The following RBFOX3 variants were observed in gnomAD, a reference collection of about 807,000 sequenced individuals.
RBFOX3 encodes the protein RNA binding fox-1 homolog 3, also known as RNA binding protein fox-1 homolog 3.
In RBFOX3, 17 loss-of-function variants were observed where a neutral mutation model predicts 48.7. The observed-to-expected ratio is 0.35, with a 90% CI of 0.24 to 0.52. RBFOX3 has a LOEUF of 0.52. RBFOX3 is among the 20% of genes least tolerant of loss of function. RBFOX3 has a pLI of 0.94. For missense variants in RBFOX3, 382 were observed against 497.5 expected (o/e 0.77, Z 2.21); for synonymous variants, 212 against 209.5 (o/e 1.01, Z -0.10).
intron 1 of RBFOX3, among the ~76,000 whole-genome samples, chr17:79,515,282 G>A (rs2085086545): frequency 2.0e-5 from 3 of 152,290 alleles, no homozygotes; most frequent in South Asian, 4.1e-4. Flanking sequence ...CCTCATAGCT[G>A]GGGCCCCTGG....
chr17:79,334,544 G>A (rs1032654098), intron 2 of RBFOX3, among the ~76,000 whole-genome samples: 9 of 152,064 alleles, frequency 5.9e-5, no homozygotes, highest in African/African-American at 1.9e-4. Flanking sequence ...TTAACCCTTC[G>A]GGGCCCCTAG....
chr17:79,170,306 A>G (rs1415337379), intron 4 of RBFOX3, among the ~76,000 whole-genome samples: 1 of 152,124 alleles, frequency 6.6e-6, no homozygotes, highest in East Asian at 1.9e-4. Context: ...TGGCTGGGGT[A>G]CCGGCTCCGG....
chr17:79,451,311 C>G (rs7219446), intron 2 of RBFOX3, among the ~76,000 whole-genome samples: 1 of 152,068 alleles, frequency 6.6e-6, no homozygotes, highest in Non-Finnish European at 1.5e-5. Flanking sequence ...AACCCTGAAC[C>G]CCCGGGACTG....
At chr17:79,098,666 G>T (rs558829498) in intron 9 of RBFOX3, 1 of 152,408 alleles carries the variant, frequency 6.6e-6, no homozygotes, top group Admixed American at 6.5e-5. Context: ...CCTCTGCGGG[G>T]GACACCAGCT....
intron 1 of RBFOX3, among the ~76,000 whole-genome samples, chr17:79,522,040 T>G (rs908121473): frequency 0.048 from 7,334 of 152,192 alleles, 299 homozygotes; most frequent in African/African-American, 0.11. Flanking sequence ...GACGGAATCT[T>G]GGACCAGTGC....
chr17:79,462,311 G>A (rs1011585104), intron 2 of RBFOX3, among the ~76,000 whole-genome samples: 7 of 152,208 alleles, frequency 4.6e-5, no homozygotes, highest in Admixed American at 2.0e-4. Flanking sequence ...CTAATGGTGT[G>A]ACCTTGGGCA....
At chr17:79,646,070 G>C in the RBFOX3 span, among the ~76,000 whole-genome samples, 2 of 152,010 alleles carry the variant, frequency 1.3e-5, no homozygotes, top group Admixed American at 6.6e-5. Context: ...CCCTTTCACA[G>C]TTAGTGGGCT....
At chr17:79,177,320 T>C (rs997430131) in intron 4 of RBFOX3, among the ~76,000 whole-genome samples, 1 of 152,210 alleles carries the variant, frequency 6.6e-6, no homozygotes, top group Non-Finnish European at 1.5e-5. Flanking sequence ...TGGGCTATCT[T>C]GGCCTCCACC....
rs1367355820 is a variant in RBFOX3 at position 79,194,742 on chromosome 17, CTGTGTGTGTGGGTG to C, written c.-34+41010_-34+41023del. ...CGGCCGGTTCTAATTGAGACACTCC[CTGTGTGTGTGGGTG>C]TGTGTGTGTGTGTGTGTGTGTGTGA... is the stretch of plus-strand genomic sequence containing the variant. On this transcript the variant is annotated intron_variant, in intron 4 of 14. Coordinates refer to ENST00000693108, the MANE Select transcript of RBFOX3 (RefSeq NM_001350451.2). Among the ~76,000 whole-genome samples, 5 of 50,816 alleles carry C rather than the reference CTGTGTGTGTGGGTG, an allele frequency of 9.8e-5. 1 individual carries two copies. The highest frequency in any genetic ancestry group is 4.4e-4 in the African/African-American group (5 of 11,272). 33.3% of individuals were successfully genotyped at this position (50,816 alleles called of 152,430 possible).
intron 4 of RBFOX3, among the ~76,000 whole-genome samples, chr17:79,190,432 C>CTATAACAAA (rs1555596697): frequency 0.19 from 21,047 of 110,920 alleles, 1,971 homozygotes; most frequent in Admixed American, 0.3. Flanking sequence ...AAAAAAAAAA[C>CTATAACAAA]AAAAAAACAG....
rs527564901 is a variant in RBFOX3 at position 79,199,514 on chromosome 17, C to T, written c.-34+36252G>A. ...GCCAGCCATCTGGATGGCCTGAACC[C>T]AGTCACTGACTTAGGGCTGCCAGTG... On this transcript the variant is annotated intron_variant, in intron 4 of 14. Coordinates refer to ENST00000693108, the MANE Select transcript of RBFOX3 (RefSeq NM_001350451.2). The surrounding 1 kb of genome is among the most constrained non-coding windows in gnomAD (Gnocchi z 5.1). 6.6e-6 allele frequency among the ~76,000 whole-genome samples: 1 copy of T among 152,312 alleles called. No homozygotes were observed. Among genetic ancestry groups the T allele is most frequent in the African/African-American group, 2.4e-5 (1 of 41,582 alleles).
intron 2 of RBFOX3, among the ~76,000 whole-genome samples, chr17:79,374,115 G>A (rs972599099): frequency 6.6e-6 from 1 of 152,174 alleles, no homozygotes; most frequent in Non-Finnish European, 1.5e-5. Context: ...CACCTGCCTC[G>A]GCCTCCCAAA....
Position 79,206,035 on chromosome 17 carries a change from C to T in RBFOX3, c.-34+29731G>A, listed in dbSNP as rs529726403. Among the ~76,000 whole-genome samples, 26 of 152,188 alleles carry T rather than the reference C, an allele frequency of 1.7e-4. No homozygotes were observed. The East Asian group carries it at 3.9e-3, about 23-fold the overall frequency. ...AGGAAATCAGGCTCATTGAGCTAGA[C>T]GGGCAGGAAGGAGCAAGTCCAGCTA... On this transcript the variant is annotated intron_variant, in intron 4 of 14. Transcript: ENST00000693108.
intron 2 of RBFOX3, among the ~76,000 whole-genome samples, chr17:79,409,385 G>T (rs1209712204): frequency 6.6e-6 from 1 of 152,240 alleles, no homozygotes; most frequent in Non-Finnish European, 1.5e-5. Context: ...CGGCCGGGTT[G>T]TGTGATAGTT....
chr17:79,631,519 G>A, the RBFOX3 span, among the ~76,000 whole-genome samples: 9 of 152,292 alleles, frequency 5.9e-5, no homozygotes, highest in South Asian at 2.1e-4. Flanking sequence ...CACCTTCAGC[G>A]TCCAGACTGG....
Position 79,543,444 on chromosome 17 carries a change from C to T in RBFOX3, c.-319-60846G>A, listed in dbSNP as rs139724380. ...ACCCTCTGAGGGTAGAATTTCCCCT[C>T]CTGACAAGCAGGACCCCCTTGGAAC... On this transcript the variant is annotated intron_variant, in intron 1 of 14. Coordinates refer to ENST00000693108, the MANE Select transcript of RBFOX3 (RefSeq NM_001350451.2). Among the ~76,000 whole-genome samples, 128 of 152,186 alleles carry T rather than the reference C, an allele frequency of 8.4e-4. 1 individual carries two copies. Among genetic ancestry groups the T allele is most frequent in the African/African-American group, 2.8e-3 (116 of 41,524 alleles).
chr17:79,568,999 T>C (rs1030538535), intron 1 of RBFOX3, among the ~76,000 whole-genome samples: 73 of 152,072 alleles, frequency 4.8e-4, no homozygotes, highest in African/African-American at 1.8e-3. Flanking sequence ...CCACCCACCT[T>C]GAGAAATACC....
chr17:79,182,044 T>C (rs1024756630), intron 4 of RBFOX3, among the ~76,000 whole-genome samples: 44 of 151,802 alleles, frequency 2.9e-4, no homozygotes, highest in Non-Finnish European at 4.6e-4. Context: ...AACGTGTGCA[T>C]GGAAGCGGGG....
chr17:79,244,541 G>T (rs1032389427), intron 3 of RBFOX3, among the ~76,000 whole-genome samples: 7 of 148,704 alleles, frequency 4.7e-5, no homozygotes, highest in African/African-American at 1.7e-4. Context: ...AGTGGGCCTG[G>T]TTTTCACCCC....
Sources: gnomAD v4.1 joint callset for allele counts (sites outside exome capture counted in the v4.1 genomes callset) on GRCh38, gnomAD v4.1.1 for gene constraint, Gnocchi (gnomAD v3.1) non-coding constraint, MANE v1.5 for transcripts, NCBI Gene and HGNC (gene_info 2026-07-23, HGNC 2026-07-21) for gene names.